Variants in SHQ1 observed in about 807,000 individuals in gnomAD.
SHQ1 encodes protein SHQ1 homolog.
Under a neutral mutation model 53.8 loss-of-function variants are expected in SHQ1, and 49 were observed. The ratio of observed to expected loss-of-function variants is 0.91; its 90% CI spans 0.72 to 1.16. The LOEUF (loss-of-function observed/expected upper bound fraction) is 1.16, where lower values mean the gene tolerates loss of function less well. Ranked by LOEUF, SHQ1 falls within the 50% of genes most tolerant of loss-of-function variation. The pLI, the probability that SHQ1 is intolerant of heterozygous loss-of-function variation, is 0.00. For missense variants in SHQ1, 738 were observed against 683.1 expected, an observed-to-expected ratio of 1.08 and a Z score of -0.90; for synonymous variants, 243 against 251.0, an observed-to-expected ratio of 0.97 and a Z score of 0.30.
chr3:72,740,025 C>T, the SHQ1 span, among the ~76,000 whole-genome samples: 23 of 152,320 alleles, frequency 1.5e-4, no homozygotes, highest in African/African-American at 4.3e-4. Flanking sequence ...CACTTCACCA[C>T]TCCTCTTCTG....
chr3:72,816,093 A>T lies in SHQ1; in HGVS notation c.883-690T>A, dbSNP rs148401712. On this transcript the variant is annotated intron_variant, in intron 7 of 10. Transcript: ENST00000325599. ...CCCTTAACACACTAAATTAATAGTC[A>T]TCTTGGAGTCAGACACAAATGTCAA... Among the ~76,000 whole-genome samples the T allele has an allele frequency of 3.2e-3, 481 of 152,302 alleles. 3 individuals are homozygous for T. Among genetic ancestry groups the T allele is most frequent in the South Asian group, 0.013 (61 of 4,826 alleles).
At chr3:72,747,809 G>A (rs866428382), downstream of SHQ1, among the ~76,000 whole-genome samples, 22 of 152,084 alleles carry the variant, frequency 1.4e-4, no homozygotes, top group Middle Eastern at 6.8e-3. Flanking sequence ...CCAACATGGC[G>A]AAAACCCATC....
intron 10 of SHQ1, among the ~76,000 whole-genome samples, chr3:72,765,557 A>ATATATATATATATATATTTTTTT (rs1491527508): frequency 1.7e-5 from 1 of 57,192 alleles, no homozygotes; most frequent in Non-Finnish European, 3.1e-5. Context: ...ATATATATAT[A>ATATATATATATATATATTTTTTT]TTTTTTTTTT....
chr3:72,839,336 C>T (rs1031937514), intron 4 of SHQ1, among the ~76,000 whole-genome samples: 2 of 152,144 alleles, frequency 1.3e-5, no homozygotes, highest in Non-Finnish European at 2.9e-5. Context: ...AGATCACCAG[C>T]GATTGTGATC....
chr3:72,737,022 C>T, the SHQ1 span, among the ~76,000 whole-genome samples: 3 of 151,986 alleles, frequency 2.0e-5, no homozygotes, highest in African/African-American at 7.2e-5. Context: ...GTAATCCTAG[C>T]ACTTTGGGAG....
intron 10 of SHQ1, among the ~76,000 whole-genome samples, chr3:72,763,931 A>G (rs1575678739): frequency 1.3e-5 from 2 of 152,188 alleles, no homozygotes; most frequent in South Asian, 4.1e-4. Context: ...TGAATATAGA[A>G]GAACATCAGT....
the SHQ1 span, among the ~76,000 whole-genome samples, chr3:72,737,010 C>T: frequency 3.9e-5 from 6 of 151,954 alleles, no homozygotes; most frequent in Non-Finnish European, 8.8e-5. Context: ...TGGCTCATGC[C>T]TGTAATCCTA....
At chr3:72,730,180 A>G in the SHQ1 span, among the ~76,000 whole-genome samples, 2 of 151,296 alleles carry the variant, frequency 1.3e-5, no homozygotes, top group Admixed American at 1.3e-4. Context: ...CAGTGATGCA[A>G]TCATAACTCA....
At chr3:72,796,723 G>A (rs762884849) in intron 9 of SHQ1, among the ~76,000 whole-genome samples, 1 of 151,920 alleles carries the variant, frequency 6.6e-6, no homozygotes, top group East Asian at 1.9e-4. Context: ...GGGAGGCTGA[G>A]GCAGGAGAAT....
chr3:72,783,224 A>G (rs1283783131), intron 10 of SHQ1, among the ~76,000 whole-genome samples: 1 of 152,204 alleles, frequency 6.6e-6, no homozygotes, highest in African/African-American at 2.4e-5. Flanking sequence ...TACTCCCTAG[A>G]TAAAGGTAGA....
chr3:72,831,430 G>A (rs577689225), intron 5 of SHQ1, among the ~76,000 whole-genome samples: 4 of 152,326 alleles, frequency 2.6e-5, no homozygotes, highest in Admixed American at 6.5e-5. Context: ...AAGCCACTTA[G>A]TAGTAGTGTG....
chr3:72,762,991 T>C (rs1705642516), intron 10 of SHQ1, among the ~76,000 whole-genome samples: 1 of 151,134 alleles, frequency 6.6e-6, no homozygotes, highest in Non-Finnish European at 1.5e-5. Context: ...TTTTCTTCTT[T>C]TACCTTCACC....
chr3:72,805,709 C>A (rs530268555), intron 9 of SHQ1, among the ~76,000 whole-genome samples: 93 of 152,210 alleles, frequency 6.1e-4, no homozygotes, highest in African/African-American at 2.2e-3. Context: ...GAAGCCATCA[C>A]CCATCAGTAA....
At chr3:72,847,412 G>A (rs1009973532) in intron 1 of SHQ1, among the ~76,000 whole-genome samples, 3 of 151,726 alleles carry the variant, frequency 2.0e-5, no homozygotes, top group Admixed American at 6.6e-5. Flanking sequence ...AGCGGGTTCT[G>A]TGGAATGGGG....
At chr3:72,776,192 T>C (rs891278556) in intron 10 of SHQ1, among the ~76,000 whole-genome samples, 3 of 152,232 alleles carry the variant, frequency 2.0e-5, no homozygotes, top group Non-Finnish European at 4.4e-5. Flanking sequence ...AAATCAATTT[T>C]TAAAAGTGAA....
chr3:72,804,073 C>T lies in SHQ1; in HGVS notation c.1060+8598G>A, dbSNP rs114811191. The stretch of plus-strand genomic sequence containing the variant: ...TTAGGACTATAGGCACACACAACTA[C>T]GCCCTGCTAATTTAAAAAACATTTT... On this transcript the variant is annotated intron_variant, in intron 9 of 10. Coordinates refer to ENST00000325599, the MANE Select transcript of SHQ1 (RefSeq NM_018130.3). Among the ~76,000 whole-genome samples the T allele has an allele frequency of 8.3e-3, 1,270 of 152,138 alleles. 20 individuals are homozygous for T. Among genetic ancestry groups the T allele is most frequent in the African/African-American group, 0.027 (1,131 of 41,496 alleles).
intron 6 of SHQ1, among the ~76,000 whole-genome samples, chr3:72,817,732 A>G (rs1352621536): frequency 6.6e-6 from 1 of 152,172 alleles, no homozygotes; most frequent in Non-Finnish European, 1.5e-5. Flanking sequence ...AGTGCTAAAT[A>G]AAGCACACTG....
At chr3:72,776,721 C>T (rs1705963816) in intron 10 of SHQ1, among the ~76,000 whole-genome samples, 1 of 152,136 alleles carries the variant, frequency 6.6e-6, no homozygotes, top group East Asian at 1.9e-4. Flanking sequence ...GAAAGAGACA[C>T]AAAATGTTTT....
At chr3:72,764,994 C>T (rs940168999) in intron 10 of SHQ1, among the ~76,000 whole-genome samples, 4 of 152,170 alleles carry the variant, frequency 2.6e-5, no homozygotes, top group Non-Finnish European at 1.5e-5. Context: ...CCCTCTTACA[C>T]CCAGAGCATG....
Sources: gnomAD v4.1 joint callset for allele counts (sites outside exome capture counted in the v4.1 genomes callset) on GRCh38, gnomAD v4.1.1 for gene constraint, MANE v1.5 for transcripts, NCBI Gene and HGNC (gene_info 2026-07-23, HGNC 2026-07-21) for gene names.